Variants in DLGAP2 observed in about 807,000 individuals in gnomAD.
DLGAP2 encodes DLG associated protein 2.
A neutral mutation model predicts 100.3 loss-of-function variants in DLGAP2; 26 were observed. The observed-to-expected ratio is 0.26, with a 90% confidence interval of 0.19 to 0.36. The LOEUF (loss-of-function observed/expected upper bound fraction) is 0.36. Among genes scored for constraint, DLGAP2 ranks in the 10% least tolerant of loss-of-function variants. The pLI, the probability that DLGAP2 is intolerant of heterozygous loss-of-function variation, is 1.00. For missense variants in DLGAP2, 1,858 were observed against 1,453.2 expected, an observed-to-expected ratio of 1.28 and a Z score of -4.53; for synonymous variants, 886 against 630.1, an observed-to-expected ratio of 1.41 and a Z score of -6.08.
intron 1 of DLGAP2, among the ~76,000 whole-genome samples, chr8:877,719 A>G (rs979008087): frequency 6.6e-6 from 1 of 152,162 alleles, no homozygotes; most frequent in Non-Finnish European, 1.5e-5. Flanking sequence ...TCCCAGTTGC[A>G]TTTCACCACA....
intron 1 of DLGAP2, among the ~76,000 whole-genome samples, chr8:780,684 C>T (rs769400892): frequency 6.6e-6 from 1 of 152,220 alleles, no homozygotes; most frequent in Non-Finnish European, 1.5e-5. Context: ...TTAGCTCAGT[C>T]TGCAGGGCAG....
At chr8:1,548,362 G>C (rs1043475435) in intron 4 of DLGAP2, among the ~76,000 whole-genome samples, 5 of 148,554 alleles carry the variant, frequency 3.4e-5, no homozygotes, top group African/African-American at 4.9e-5. Flanking sequence ...GGGAGGCTGA[G>C]GCAGGAGAAT....
At chr8:786,908 A>G (rs1466366050) in intron 1 of DLGAP2, among the ~76,000 whole-genome samples, 1 of 152,100 alleles carries the variant, frequency 6.6e-6, no homozygotes, top group Non-Finnish European at 1.5e-5. Context: ...TAGAACCTCT[A>G]AGATGAGATG....
At chr8:1,325,615 A>G (rs1801003831) in intron 3 of DLGAP2, among the ~76,000 whole-genome samples, 1 of 151,676 alleles carries the variant, frequency 6.6e-6, no homozygotes, top group Non-Finnish European at 1.5e-5. Context: ...GATTAAGGGG[A>G]CACAAGCATA....
At chr8:1,277,710 C>T (rs546579207) in intron 3 of DLGAP2, among the ~76,000 whole-genome samples, 14 of 152,190 alleles carry the variant, frequency 9.2e-5, no homozygotes, top group South Asian at 2.1e-4. Context: ...GCAGCTGCAC[C>T]GAGGTCGGGG....
chr8:768,169 G>T (rs1821262639), intron 1 of DLGAP2, among the ~76,000 whole-genome samples: 1 of 152,108 alleles, frequency 6.6e-6, no homozygotes, highest in African/African-American at 2.4e-5. Flanking sequence ...GCAAGCTGGA[G>T]CCCGTTCACT....
At chr8:1,302,238 G>A (rs1800365308) in intron 3 of DLGAP2, 1 of 149,190 alleles carries the variant, frequency 6.7e-6, no homozygotes. Context: ...TCCATACCTG[G>A]GACCGGACTC....
chr8:1,579,128 T>G (rs1433121894), intron 6 of DLGAP2, among the ~76,000 whole-genome samples: 1 of 152,262 alleles, frequency 6.6e-6, no homozygotes, highest in Admixed American at 6.5e-5. Context: ...CCTTTGCTTT[T>G]TTTTCTGCTT....
intron 3 of DLGAP2, among the ~76,000 whole-genome samples, chr8:1,416,121 C>T (rs1193296031): frequency 6.6e-6 from 1 of 152,178 alleles, no homozygotes; most frequent in Admixed American, 6.5e-5. Flanking sequence ...GCTTGAGGTG[C>T]TAAAGAGACT....
At chr8:1,696,936 G>A (rs1011141669) in intron 13 of DLGAP2, among the ~76,000 whole-genome samples, 2 of 152,242 alleles carry the variant, frequency 1.3e-5, no homozygotes, top group African/African-American at 4.8e-5. Flanking sequence ...ATGAACAGCT[G>A]TGCTACGTGT....
At position 1,441,785 on chromosome 8, in the gene DLGAP2, GTT is replaced by G. The variant is rs200888843; in HGVS notation, c.107-59569_107-59568del. Among the ~76,000 whole-genome samples the G allele has an allele frequency of 1.3e-3, 187 of 143,874 alleles. 1 individual carries two copies. In the East Asian group the frequency reaches 0.02, roughly 16 times the overall value. 94.4% of individuals were successfully genotyped at this position (143,874 alleles called of 152,430 possible). A position where few individuals can be genotyped will look rare whatever the true frequency, so the allele number is the denominator to read the frequency against. On this transcript the variant is annotated intron_variant, in intron 3 of 14. Coordinates refer to ENST00000637795, the MANE Select transcript of DLGAP2 (RefSeq NM_001346810.2). ...GAGTGGGCTTTCAACAGCTTGACCA[GTT>G]TTTTTTTTTTTATTTAATTTAATTT... is the stretch of plus-strand genomic sequence containing the variant.
intron 6 of DLGAP2, among the ~76,000 whole-genome samples, chr8:1,569,962 A>T (rs752739469): frequency 2.0e-5 from 3 of 151,910 alleles, no homozygotes; most frequent in Non-Finnish European, 4.4e-5. Flanking sequence ...TGCTCTGTGG[A>T]GGGCAGTGGC....
At chr8:1,370,309 G>A (rs565762953) in intron 3 of DLGAP2, among the ~76,000 whole-genome samples, 3 of 152,184 alleles carry the variant, frequency 2.0e-5, no homozygotes, top group South Asian at 2.1e-4. Context: ...GCAGTCACAC[G>A]GCGTGATTCA....
chr8:1,055,024 C>G (rs1453936695), intron 2 of DLGAP2, among the ~76,000 whole-genome samples: 4 of 152,116 alleles, frequency 2.6e-5, no homozygotes, highest in African/African-American at 9.7e-5. Flanking sequence ...ATGTTGAGGC[C>G]ACATGGTCAG....
At chr8:1,335,768 A>G (rs1305760544) in intron 3 of DLGAP2, among the ~76,000 whole-genome samples, 7 of 152,228 alleles carry the variant, frequency 4.6e-5, no homozygotes, top group African/African-American at 1.4e-4. Flanking sequence ...ATGTTTATTT[A>G]TGTCCTTCCT....
intron 2 of DLGAP2, among the ~76,000 whole-genome samples, chr8:949,572 G>A (rs936942588): frequency 3.3e-5 from 5 of 152,198 alleles, no homozygotes; most frequent in Non-Finnish European, 7.3e-5. Flanking sequence ...ACACGTGGGC[G>A]CGTGCCAGGG....
intron 2 of DLGAP2, among the ~76,000 whole-genome samples, chr8:1,233,258 T>G (rs1228223289): frequency 6.6e-6 from 1 of 152,210 alleles, no homozygotes; most frequent in Non-Finnish European, 1.5e-5. Flanking sequence ...CTGTGAACAT[T>G]TGTGTGAGCA....
At chr8:958,300 A>T (rs979245860) in intron 2 of DLGAP2, among the ~76,000 whole-genome samples, 6 of 152,104 alleles carry the variant, frequency 3.9e-5, no homozygotes, top group African/African-American at 1.4e-4. Context: ...TCATCTATTG[A>T]TGGGCATTTG....
At chr8:1,199,596 T>C (rs1797826091) in intron 2 of DLGAP2, among the ~76,000 whole-genome samples, 1 of 152,098 alleles carries the variant, frequency 6.6e-6, no homozygotes, top group Non-Finnish European at 1.5e-5. Flanking sequence ...GGAAACACCA[T>C]CTTCATGAGC....
Sources: gnomAD v4.1 joint callset for allele counts (sites outside exome capture counted in the v4.1 genomes callset) on GRCh38, gnomAD v4.1.1 for gene constraint, MANE v1.5 for transcripts, NCBI Gene and HGNC (gene_info 2026-07-23, HGNC 2026-07-21) for gene names.